Variants in FOXO3 observed in about 807,000 individuals in gnomAD.
FOXO3 encodes the protein forkhead box O3.
In FOXO3, 4 loss-of-function variants were observed where a neutral mutation model predicts 41.9. That is an observed-to-expected ratio of 0.10 (90% CI 0.05 to 0.22). The LOEUF (loss-of-function observed/expected upper bound fraction) is 0.22, where lower values mean the gene tolerates loss of function less well. FOXO3 is among the 10% of genes least tolerant of loss of function. FOXO3 has a pLI of 1.00. For synonymous variants in FOXO3, 318 were observed against 389.3 expected, an observed-to-expected ratio of 0.82 and a Z score of 2.16; for missense variants, 534 against 906.8, an observed-to-expected ratio of 0.59 and a Z score of 5.28.
intron 1 of FOXO3, among the ~76,000 whole-genome samples, chr6:108,656,172 GA>G (rs376591206): frequency 0.022 from 1,952 of 88,502 alleles, 15 homozygotes; most frequent in Non-Finnish European, 0.033. Context: ...TGTCTTTAAA[GA>G]AAAAAAAAAA....
At chr6:108,677,194 A>G (rs568461600) in intron 2 of FOXO3, among the ~76,000 whole-genome samples, 27 of 152,334 alleles carry the variant, frequency 1.8e-4, no homozygotes, top group African/African-American at 6.5e-4. Context: ...AGGTGACCCC[A>G]ACCCCAATCT....
intron 2 of FOXO3, 105 bp downstream of exon 2, chr6:108,664,994 AC>A (rs1779006537): frequency 8.1e-7 from 1 of 1,231,002 alleles, no homozygotes; most frequent in African/African-American, 1.5e-5. Flanking sequence ...CACACTGAAA[AC>A]CATGGAGCAG....
At chr6:108,660,802 C>G (rs538820188) in intron 1 of FOXO3, among the ~76,000 whole-genome samples, 7 of 152,220 alleles carry the variant, frequency 4.6e-5, no homozygotes, top group Admixed American at 4.6e-4. Flanking sequence ...GTCAGGAGAT[C>G]GAGACCATCC....
At chr6:108,620,769 T>C (rs1777644110) in intron 1 of FOXO3, among the ~76,000 whole-genome samples, 1 of 151,992 alleles carries the variant, frequency 6.6e-6, no homozygotes, top group Non-Finnish European at 1.5e-5. Context: ...GGGGTGGGAG[T>C]AGGGGAGAAG....
chr6:108,639,257 T>C (rs907833283), intron 1 of FOXO3, among the ~76,000 whole-genome samples: 3 of 152,288 alleles, frequency 2.0e-5, no homozygotes, highest in Admixed American at 6.5e-5. Flanking sequence ...TCCTTTCATA[T>C]GCAAAGCATA....
At chr6:108,632,134 C>T (rs1777990847) in intron 1 of FOXO3, among the ~76,000 whole-genome samples, 1 of 152,142 alleles carries the variant, frequency 6.6e-6, no homozygotes, top group Non-Finnish European at 1.5e-5. Flanking sequence ...CCAGGGAAAA[C>T]CTCCTTAATT....
intron 2 of FOXO3, among the ~76,000 whole-genome samples, chr6:108,672,020 T>C (rs1406707354): frequency 6.6e-6 from 1 of 152,226 alleles, no homozygotes; most frequent in Non-Finnish European, 1.5e-5. Flanking sequence ...CCACAGGGGC[T>C]AGCAGCAAGT....
intron 1 of FOXO3, among the ~76,000 whole-genome samples, chr6:108,619,258 G>C (rs755137258): frequency 8.5e-5 from 13 of 152,218 alleles, no homozygotes; most frequent in Non-Finnish European, 1.9e-4. Context: ...ATGTAACACA[G>C]ACGTGGCATT....
At chr6:108,629,791 A>C (rs1430362303) in intron 1 of FOXO3, among the ~76,000 whole-genome samples, 1 of 152,132 alleles carries the variant, frequency 6.6e-6, no homozygotes, top group African/African-American at 2.4e-5. Flanking sequence ...AGGAATTTAG[A>C]TAATAAGCCA....
chr6:108,656,287 G>A, intron 1 of FOXO3: 1 of 766,612 alleles, frequency 1.3e-6, no homozygotes. Flanking sequence ...ACCACATGTT[G>A]CTTCCAGACA....
At chr6:108,638,452 G>C (rs185011193) in intron 1 of FOXO3, among the ~76,000 whole-genome samples, 4 of 152,338 alleles carry the variant, frequency 2.6e-5, no homozygotes, top group Admixed American at 2.6e-4. Context: ...TTAACTAGCA[G>C]TGTGTCTCTA....
chr6:108,567,733 G>A (rs540137013), intron 1 of FOXO3, among the ~76,000 whole-genome samples: 28 of 152,050 alleles, frequency 1.8e-4, no homozygotes, highest in African/African-American at 6.8e-4. Context: ...AACAAAGTGA[G>A]ACCTCGTCTC....
At chr6:108,604,077 T>G (rs1364828140) in intron 1 of FOXO3, among the ~76,000 whole-genome samples, 1 of 152,106 alleles carries the variant, frequency 6.6e-6, no homozygotes, top group African/African-American at 2.4e-5. Context: ...CTACTTTGAC[T>G]AAAAGGATTC....
chr6:108,678,181 T>G (rs1474004332), intron 2 of FOXO3, among the ~76,000 whole-genome samples: 2 of 152,166 alleles, frequency 1.3e-5, no homozygotes, highest in East Asian at 3.9e-4. Flanking sequence ...ACAGAAGAGA[T>G]TGAAGTTACA....
At chr6:108,606,130 T>C (rs957766126) in intron 1 of FOXO3, among the ~76,000 whole-genome samples, 1 of 152,160 alleles carries the variant, frequency 6.6e-6, no homozygotes, top group Admixed American at 6.5e-5. Context: ...GCAACTAATT[T>C]GGTATTAAAG....
At chr6:108,560,564 G>C (rs1208869228), upstream of FOXO3, among the ~76,000 whole-genome samples, 2 of 152,176 alleles carry the variant, frequency 1.3e-5, no homozygotes, top group African/African-American at 4.8e-5. Context: ...CATTCGACCG[G>C]GTGGGGGGTG....
intron 1 of FOXO3, among the ~76,000 whole-genome samples, chr6:108,592,984 G>T (rs1348524754): frequency 6.6e-6 from 1 of 152,178 alleles, no homozygotes; most frequent in Non-Finnish European, 1.5e-5. Flanking sequence ...ATGGATGCGT[G>T]CTTAGGAATG....
intron 2 of FOXO3, among the ~76,000 whole-genome samples, chr6:108,669,028 G>A (rs935160838): frequency 3.9e-4 from 60 of 152,272 alleles, no homozygotes; most frequent in African/African-American, 1.4e-3. Flanking sequence ...CAGGAGAATG[G>A]CGTGAACCCA....
intron 1 of FOXO3, among the ~76,000 whole-genome samples, chr6:108,570,855 G>C (rs1366780800): frequency 2.0e-5 from 3 of 152,110 alleles, no homozygotes; most frequent in Non-Finnish European, 4.4e-5. Flanking sequence ...GGAAAATTTA[G>C]GAGAGGGGGT....
Sources: gnomAD v4.1 joint callset for allele counts (sites outside exome capture counted in the v4.1 genomes callset) on GRCh38, gnomAD v4.1.1 for gene constraint, MANE v1.5 for transcripts, NCBI Gene and HGNC (gene_info 2026-07-23, HGNC 2026-07-21) for gene names.